Variants in LGALS9 observed in about 807,000 individuals in gnomAD.
LGALS9 encodes the protein galectin-9.
LGALS9 carries 26 observed loss-of-function variants against 35.9 expected under a neutral mutation model. That is an observed-to-expected ratio of 0.72 (90% CI 0.53 to 1.01). The LOEUF is 1.01. Ranked by LOEUF, LGALS9 falls within the 50% of genes least tolerant of loss-of-function variation. The pLI, the probability that LGALS9 is intolerant of heterozygous loss-of-function variation, is 0.00. For synonymous variants in LGALS9, 149 were observed against 172.2 expected (o/e 0.87, Z 1.06); for missense variants, 347 against 445.8 (o/e 0.78, Z 1.99).
At chr17:27,639,987 C>T (rs1381210660) in intron 2 of LGALS9, among the ~76,000 whole-genome samples, 1 of 152,148 alleles carries the variant, frequency 6.6e-6, no homozygotes, top group Admixed American at 6.5e-5. Flanking sequence ...CCACATGCCT[C>T]AGCCTCCCAA....
intron 9 of LGALS9, 72 bp from the exon 10 acceptor site, chr17:27,647,198 G>T: frequency 4.3e-6 from 7 of 1,613,772 alleles, no homozygotes; most frequent in Non-Finnish European, 5.9e-6. Context: ...CTTCAGGAAG[G>T]CTACTGATGA....
At chr17:27,633,574 A>G (rs1000803553) in intron 1 of LGALS9, among the ~76,000 whole-genome samples, 1 of 152,194 alleles carries the variant, frequency 6.6e-6, no homozygotes, top group Non-Finnish European at 1.5e-5. Context: ...GGCTGCCCAC[A>G]TTTTGGTTCA....
At position 27,647,351 on chromosome 17, in the gene LGALS9, C is replaced by T; in HGVS notation, c.840C>T (p.Asn280=). ...PRFDENAVVR[N]TQIDNSWGSE... ...TTGATGAGAATGCTGTGGTCCGCAA[C>T]ACCCAGATCGACAACTCCTGGGGGT... is the stretch of plus-strand genomic sequence containing the variant. The change falls in exon 10 of 11, where the codon AAC becomes AAT. Residue 280 remains asparagine (N), a synonymous_variant. Coordinates refer to ENST00000395473, the MANE Select transcript of LGALS9 (RefSeq NM_009587.3). 2 of 1,614,216 alleles carry T rather than the reference C, an allele frequency of 1.2e-6. No individual in the cohort carries two copies. Among genetic ancestry groups the T allele is most frequent in the South Asian group, 2.2e-5 (2 of 91,088 alleles).
rs534778705 is a variant in LGALS9, at chr17:27,633,279, G to A, written c.39+1975G>A. ...TGTGAGGATAAATGTTCCTAGTCAT[G>A]CCCAGAGCCCTCATGGACACACATG... On this transcript the variant is annotated intron_variant, in intron 1 of 10. Coordinates refer to ENST00000395473, the MANE Select transcript of LGALS9 (RefSeq NM_009587.3). 2.7e-5 allele frequency among the ~76,000 whole-genome samples: 4 copies of A among 148,234 alleles called. No homozygotes were observed. The East Asian group carries it at 6.0e-4, about 22-fold the overall frequency.
At position 27,645,844 on chromosome 17, in the gene LGALS9, T is replaced by A. The variant is rs569146475; in HGVS notation, c.577-17T>A. 2.5e-6 allele frequency: 4 copies of A among 1,596,578 alleles called. No homozygotes were observed. The highest frequency in any genetic ancestry group is 3.4e-6 in the Non-Finnish European group (4 of 1,169,192). On this transcript the variant is annotated splice_polypyrimidine_tract_variant and intron_variant, in intron 6 of 10. Transcript: ENST00000395473. ...CACACGTGAGAGCCTGGGTGAGACC[T>A]GGTTTCTTTCTTCCAGACCCAGACA...
rs61687781 is a variant in LGALS9, at chr17:27,633,047, C to T, written c.39+1743C>T. On this transcript the variant is annotated intron_variant, in intron 1 of 10. Coordinates refer to ENST00000395473, the MANE Select transcript of LGALS9 (RefSeq NM_009587.3). ...GAGGGCCTGGGGGAAGCTGGAACCA[C>T]GTGCTGTGTGGTCCAGGAAGCACTG... is the stretch of plus-strand genomic sequence containing the variant. Among the ~76,000 whole-genome samples the T allele has an allele frequency of 1.3e-3, 196 of 152,292 alleles. 3 individuals carry two copies. The East Asian group carries it at 0.036, about 28-fold the overall frequency.
At chr17:27,640,017 T>A (rs1222489266) in intron 2 of LGALS9, among the ~76,000 whole-genome samples, 1 of 151,380 alleles carries the variant, frequency 6.6e-6, no homozygotes, top group Admixed American at 6.7e-5. Flanking sequence ...ATTACAGGCG[T>A]GAGCCATCAT....
chr17:27,640,652 A>G lies in LGALS9; in HGVS notation c.212A>G (p.Tyr71Cys), dbSNP rs368072926. 5.0e-6 allele frequency: 8 copies of G among 1,614,118 alleles called. No homozygotes were observed. Among genetic ancestry groups the G allele is most frequent in the African/African-American group, 2.7e-5 (2 of 74,946 alleles). Residue 71 changes from tyrosine to cysteine, a missense_variant, in exon 3 of 11, where the codon TAC (tyrosine) becomes TGC (cysteine). Transcript: ENST00000395473. Reference sequence around the variant, plus strand: ...AACCCTCGGTTTGAAGATGGAGGGTACGTGGTGTGCAACACGAGGCAGAAC... The same window carrying G: ...AACCCTCGGTTTGAAGATGGAGGGTGCGTGGTGTGCAACACGAGGCAGAAC... ...HFNPRFEDGG[Y>C]VVCNTRQNGS...
chr17:27,635,940 G>A (rs1468413925), intron 1 of LGALS9, among the ~76,000 whole-genome samples: 1 of 152,198 alleles, frequency 6.6e-6, no homozygotes, highest in Non-Finnish European at 1.5e-5. Context: ...TGTAGACAGG[G>A]ACAAGAATGA....
Position 27,649,367 on chromosome 17 carries a change from C to T in LGALS9, c.*385C>T. 3.0e-6 allele frequency: 1 copy of T among 338,942 alleles called. No individual in the cohort carries two copies. The highest frequency in any genetic ancestry group is 2.8e-5 in the South Asian group (1 of 36,278). 21.0% of individuals were successfully genotyped at this position (338,942 alleles called of 1,614,324 possible). On this transcript the variant is annotated 3_prime_UTR_variant, in exon 11 of 11. Coordinates refer to ENST00000395473, the MANE Select transcript of LGALS9 (RefSeq NM_009587.3). ...TCTGCTCCTGGTGGGAGGTGGCCTC[C>T]TCAGCCCCTCCTCTCTGACCTTTAA...
intron 3 of LGALS9, chr17:27,641,119 G>C: frequency 6.5e-6 from 3 of 460,538 alleles, no homozygotes; most frequent in Non-Finnish European, 1.3e-5. Flanking sequence ...ATTTTTCAGC[G>C]ACATCGTTCC....
intron 1 of LGALS9, among the ~76,000 whole-genome samples, chr17:27,632,827 C>T (rs1897229785): frequency 2.0e-5 from 3 of 152,224 alleles, no homozygotes; most frequent in Admixed American, 2.0e-4. Flanking sequence ...CCCACGGGGG[C>T]TCCCCTGGGT....
chr17:27,634,235 C>A (rs1328694985), intron 1 of LGALS9, among the ~76,000 whole-genome samples: 3 of 152,320 alleles, frequency 2.0e-5, no homozygotes, highest in East Asian at 1.9e-4. Flanking sequence ...TGGCTTATGA[C>A]CCCTCCTGCC....
chr17:27,640,884 T>A (rs1444634111), intron 3 of LGALS9, 111 bp downstream of exon 3: 1 of 1,475,842 alleles, frequency 6.8e-7, no homozygotes, highest in Non-Finnish European at 9.3e-7. Flanking sequence ...GACACCACTA[T>A]ACAGATAACA....
At chr17:27,631,348 GAC>G in intron 1 of LGALS9, 44 bp downstream of exon 1, 1 of 1,613,042 alleles carries the variant, frequency 6.2e-7, no homozygotes, top group Non-Finnish European at 8.5e-7. Flanking sequence ...CAGCCAGAGG[GAC>G]ACAGCTCTGG....
chr17:27,634,551 CA>C (rs1001986414), intron 1 of LGALS9, among the ~76,000 whole-genome samples: 1 of 150,494 alleles, frequency 6.6e-6, no homozygotes, highest in Non-Finnish European at 1.5e-5. Context: ...GATCCTGTCT[CA>C]AAAAAAACAA....
intron 3 of LGALS9, among the ~76,000 whole-genome samples, chr17:27,641,286 A>G (rs1245787677): frequency 6.6e-6 from 1 of 152,100 alleles, no homozygotes; most frequent in Non-Finnish European, 1.5e-5. Context: ...TCAGTATGCA[A>G]CCTGAGGTCA....
chr17:27,648,984 C>A lies in LGALS9; in HGVS notation c.*2C>A. 6.2e-7 allele frequency: 1 copy of A among 1,613,930 alleles called. No individual in the cohort carries two copies. The highest frequency in any genetic ancestry group is 1.3e-5 in the African/African-American group (1 of 75,016). ...CAGCTGACCCATGTGCAGACATAGG[C>A]GGCTTCCTGGCCCTGGGGCCGGGGG... On this transcript the variant is annotated 3_prime_UTR_variant, in exon 11 of 11. Coordinates refer to ENST00000395473, the MANE Select transcript of LGALS9 (RefSeq NM_009587.3).
chr17:27,648,155 C>G (rs1210151493), intron 10 of LGALS9, among the ~76,000 whole-genome samples: 1 of 152,226 alleles, frequency 6.6e-6, no homozygotes, highest in East Asian at 1.9e-4. Flanking sequence ...ACTCTGCAGT[C>G]AGAGTTGAAA....
Sources: allele counts gnomAD v4.1 joint callset (sites outside exome capture counted in the v4.1 genomes callset), GRCh38; gene constraint gnomAD v4.1.1; transcripts MANE v1.5; gene names NCBI Gene and HGNC (gene_info 2026-07-23, HGNC 2026-07-21).